Variants in PVT1 observed in about 807,000 individuals in gnomAD.
PVT1 encodes the protein Pvt1 oncogene.
At chr8:127,951,060 G>T (rs111985505) in intron 3 of PVT1, among the ~76,000 whole-genome samples, 2,835 of 152,166 alleles carry the variant, frequency 0.019, 93 homozygotes, top group African/African-American at 0.064. Flanking sequence ...ACCATGCCTG[G>T]GTAATTTTTG....
intron 2 of PVT1, among the ~76,000 whole-genome samples, chr8:127,817,000 G>A (rs544165571): frequency 3.3e-5 from 5 of 152,174 alleles, no homozygotes; most frequent in South Asian, 2.1e-4. Flanking sequence ...TGAGTTGTTC[G>A]CAGGTGTCCC....
intron 2 of PVT1, among the ~76,000 whole-genome samples, chr8:127,857,858 T>G (rs997366914): frequency 1.8e-4 from 28 of 152,262 alleles, no homozygotes; most frequent in African/African-American, 6.3e-4. Flanking sequence ...AAATCATTTG[T>G]GTTTTCTTTT....
intron 2 of PVT1, among the ~76,000 whole-genome samples, chr8:127,876,073 T>A (rs6470586): frequency 6.6e-6 from 1 of 152,036 alleles, no homozygotes; most frequent in Non-Finnish European, 1.5e-5. Flanking sequence ...AGTTACGGGG[T>A]TGGGCCTCCG....
At chr8:128,010,465 A>G (rs1176201206) in intron 4 of PVT1, 1 of 152,164 alleles carries the variant, frequency 6.6e-6, no homozygotes, top group Non-Finnish European at 1.5e-5. Context: ...TTCAAAAGCC[A>G]AGTTCGGTCC....
intron 3 of PVT1, among the ~76,000 whole-genome samples, chr8:127,938,970 G>T (rs1816311531): frequency 6.6e-6 from 1 of 152,222 alleles, no homozygotes; most frequent in Non-Finnish European, 1.5e-5. Flanking sequence ...GAGGGATGCT[G>T]CAATTTAGGA....
chr8:127,935,833 C>T (rs1173854362), intron 3 of PVT1, among the ~76,000 whole-genome samples: 2 of 152,114 alleles, frequency 1.3e-5, no homozygotes, highest in Admixed American at 1.3e-4. Context: ...ATGATCTTGG[C>T]TGTAATGACC....
intron 5 of PVT1, among the ~76,000 whole-genome samples, chr8:128,092,890 C>T (rs1430723390): frequency 6.6e-6 from 1 of 152,168 alleles, no homozygotes; most frequent in African/African-American, 2.4e-5. Context: ...TTCAGTCTTC[C>T]ATCCCGCTCT....
intron 2 of PVT1, among the ~76,000 whole-genome samples, chr8:127,871,593 G>A (rs184508615): frequency 1.8e-3 from 270 of 152,214 alleles, no homozygotes; most frequent in African/African-American, 6.1e-3. Flanking sequence ...AGGGCATGAC[G>A]TCAACTGTGA....
chr8:127,849,433 A>G (rs564288172), intron 2 of PVT1, among the ~76,000 whole-genome samples: 3 of 152,276 alleles, frequency 2.0e-5, no homozygotes, highest in South Asian at 4.1e-4. Context: ...AGGTGTTCCC[A>G]GGAGGTGGAA....
In PVT1 at chr8:127,985,002, C is replaced by T. The variant is rs1426983970; in HGVS notation, n.783-4160C>T. ...TCCTTTCTTTCTTTCTCTTTCCTTC[C>T]TTCCTTCCTTCCTTCCTTCCTTCCT... On this transcript the variant is annotated intron_variant and non_coding_transcript_variant, in intron 3 of 10. Transcript: ENST00000651587. 1.2e-4 allele frequency among the ~76,000 whole-genome samples: 15 copies of T among 122,390 alleles called. 3 individuals are homozygous for T. The highest frequency in any genetic ancestry group is 5.1e-4 in the African/African-American group (15 of 29,314). 80.3% of individuals were successfully genotyped at this position (122,390 alleles called of 152,430 possible).
intron 2 of PVT1, among the ~76,000 whole-genome samples, chr8:127,827,383 T>G (rs1190671910): frequency 6.6e-6 from 1 of 152,062 alleles, no homozygotes; most frequent in Non-Finnish European, 1.5e-5. Flanking sequence ...TTAGACTGAG[T>G]CCTAGACACT....
intron 4 of PVT1, among the ~76,000 whole-genome samples, chr8:128,017,595 T>C (rs1185190097): frequency 4.2e-5 from 5 of 120,336 alleles, no homozygotes; most frequent in African/African-American, 1.3e-4. Flanking sequence ...CCAAGCGCTA[T>C]TTTTTTTTTT....
intron 2 of PVT1, among the ~76,000 whole-genome samples, chr8:127,813,400 C>G (rs1186377379): frequency 1.3e-5 from 2 of 151,954 alleles, no homozygotes; most frequent in Non-Finnish European, 2.9e-5. Context: ...CTCTCTGGCT[C>G]TGATTTCTGA....
intron 4 of PVT1, among the ~76,000 whole-genome samples, chr8:128,017,628 G>A (rs1433677294): frequency 6.6e-6 from 1 of 151,612 alleles, no homozygotes; most frequent in African/African-American, 2.4e-5. Context: ...TAGAGGCAGG[G>A]ATCTTGCTAT....
intron 2 of PVT1, among the ~76,000 whole-genome samples, chr8:127,823,662 C>T (rs1014058338): frequency 6.6e-6 from 1 of 152,196 alleles, no homozygotes; most frequent in African/African-American, 2.4e-5. Context: ...CCTCTTGCCA[C>T]TTGTACTTCC....
At chr8:127,925,128 A>G (rs1465890529) in intron 3 of PVT1, among the ~76,000 whole-genome samples, 2 of 152,162 alleles carry the variant, frequency 1.3e-5, no homozygotes, top group African/African-American at 4.8e-5. Flanking sequence ...CTATCCTGGA[A>G]TGGTCTTTTG....
At position 127,951,283 on chromosome 8, in the gene PVT1, C is replaced by T. The variant is rs544754297; in HGVS notation, n.783-37879C>T. ...ACTTTCATCCCACCTGCTCCTTCTA[C>T]CCCAGTGCACTGCTGGAGCTCAATA... On this transcript the variant is annotated intron_variant and non_coding_transcript_variant, in intron 3 of 10. Transcript: ENST00000651587. Among the ~76,000 whole-genome samples the T allele has an allele frequency of 5.3e-5, 8 of 152,328 alleles. No homozygotes were observed. The East Asian group carries it at 1.5e-3, about 29-fold the overall frequency.
chr8:127,859,593 T>G (rs1037085712), intron 2 of PVT1, among the ~76,000 whole-genome samples: 14 of 151,946 alleles, frequency 9.2e-5, no homozygotes, highest in African/African-American at 3.4e-4. Context: ...TTCACACAGG[T>G]CTGACTCCCC....
At chr8:127,997,115 C>T (rs1366581526) in intron 4 of PVT1, among the ~76,000 whole-genome samples, 1 of 133,486 alleles carries the variant, frequency 7.5e-6, no homozygotes, top group Admixed American at 9.0e-5. Flanking sequence ...AGTACAATGG[C>T]GTGATCTCAG....
Sources: gnomAD v4.1 joint callset for allele counts (sites outside exome capture counted in the v4.1 genomes callset) on GRCh38, gnomAD v4.1.1 for gene constraint, MANE v1.5 for transcripts, NCBI Gene and HGNC (gene_info 2026-07-23, HGNC 2026-07-21) for gene names.